Variants in SI observed in about 807,000 individuals in gnomAD.
SI encodes the protein sucrase-isomaltase, intestinal.
Under a neutral mutation model 253.3 loss-of-function variants are expected in SI, and 235 were observed. The ratio of observed to expected loss-of-function variants is 0.93; its 90% CI spans 0.83 to 1.03. The LOEUF (loss-of-function observed/expected upper bound fraction) is 1.03. Among genes scored for constraint, SI ranks in the 50% least tolerant of loss-of-function variants. The pLI, the probability that SI is intolerant of heterozygous loss-of-function variation, is 0.00. For missense variants in SI, 2,442 were observed against 2,211.1 expected (o/e 1.10, Z -2.09); for synonymous variants, 819 against 712.0 (o/e 1.15, Z -2.39).
At chr3:165,018,979 G>A (rs1719175485) in intron 28 of SI, among the ~76,000 whole-genome samples, 1 of 151,510 alleles carries the variant, frequency 6.6e-6, no homozygotes, top group Non-Finnish European at 1.5e-5. Context: ...CATCACATGT[G>A]AAAAATACAA....
chr3:165,088,673 T>G, the SI span, among the ~76,000 whole-genome samples: 1 of 151,494 alleles, frequency 6.6e-6, no homozygotes, highest in African/African-American at 2.4e-5. Flanking sequence ...TAAATACACT[T>G]AAAAAATAAA....
rs747801687 is a variant in SI at position 165,018,013 on chromosome 3, C to T, written c.3477G>A (p.Glu1159=). 6.2e-6 allele frequency: 10 copies of T among 1,612,020 alleles called. No individual in the cohort carries two copies. Among genetic ancestry groups the T allele is most frequent in the South Asian group, 1.1e-5 (1 of 91,052 alleles). The change falls in exon 29 of 48, where the codon GAG becomes GAA. Residue 1159 remains glutamate (E), a synonymous_variant. Coordinates refer to ENST00000264382, the MANE Select transcript of SI (RefSeq NM_001041.4). ...GTAAGAAAACACCATGAGCATTGCC[C>T]TCCTCTTCCAGAGCCATGTAATAGG... ...FHPYYMALEE[E]GNAHGVFLLN... is the part of the protein sequence containing the mutation.
chr3:165,038,480 C>G (rs189196981), intron 20 of SI, among the ~76,000 whole-genome samples: 1 of 150,660 alleles, frequency 6.6e-6, no homozygotes, highest in African/African-American at 2.4e-5. Context: ...GAGGCCATGG[C>G]GGGCGGATCA....
chr3:165,021,173 T>A, intron 27 of SI, 56 bp downstream of exon 27: 1 of 1,505,722 alleles, frequency 6.6e-7, no homozygotes, highest in Non-Finnish European at 9.2e-7. Context: ...ATTTTACTTT[T>A]CCCTTCGTAA....
the SI span, among the ~76,000 whole-genome samples, chr3:165,088,660 T>TAAATA: frequency 1.3e-5 from 2 of 151,552 alleles, no homozygotes; most frequent in African/African-American, 4.8e-5. Flanking sequence ...AATAAATAAA[T>TAAATA]AATAAATACA....
chr3:165,028,925 G>A (rs924185166), intron 25 of SI, among the ~76,000 whole-genome samples: 2 of 151,404 alleles, frequency 1.3e-5, no homozygotes, highest in African/African-American at 2.4e-5. Flanking sequence ...ACAAACATCT[G>A]GGACTTAATT....
At chr3:165,036,873 A>C (rs891682676) in intron 21 of SI, among the ~76,000 whole-genome samples, 2 of 151,910 alleles carry the variant, frequency 1.3e-5, no homozygotes, top group African/African-American at 2.4e-5. Context: ...AGAAAAAAAA[A>C]TATGATTAAA....
chr3:165,054,454 C>A (rs1713585485), intron 13 of SI, among the ~76,000 whole-genome samples: 1 of 151,994 alleles, frequency 6.6e-6, no homozygotes, highest in Non-Finnish European at 1.5e-5. Flanking sequence ...TCACAGGCAA[C>A]CTCCACCTCC....
intron 25 of SI, among the ~76,000 whole-genome samples, chr3:165,024,095 G>T (rs529580179): frequency 1.9e-4 from 29 of 151,458 alleles, no homozygotes; most frequent in Middle Eastern, 6.8e-3. Flanking sequence ...AATAAATTTT[G>T]ATTCCATGTT....
chr3:165,016,212 T>G (rs1719019557), intron 31 of SI, 132 bp from the exon 32 acceptor site: 1 of 784,594 alleles, frequency 1.3e-6, no homozygotes, highest in Non-Finnish European at 2.2e-6. Flanking sequence ...TAAAAAGAAT[T>G]AAATGGTTTA....
intron 39 of SI, 40 bp downstream of exon 39, chr3:164,996,698 G>T (rs764325020): frequency 5.7e-5 from 72 of 1,273,884 alleles, no homozygotes; most frequent in Non-Finnish European, 7.6e-5. Context: ...GTTTATGAAT[G>T]TTTATAATTT....
chr3:165,036,989 T>C (rs1259896172), intron 21 of SI, among the ~76,000 whole-genome samples: 1 of 151,682 alleles, frequency 6.6e-6, no homozygotes, highest in East Asian at 1.9e-4. Context: ...TTTAGTTACA[T>C]TTTACCAGGC....
intron 38 of SI, 135 bp from the exon 39 acceptor site, chr3:164,996,907 A>G (rs1397641722): frequency 6.0e-6 from 3 of 498,542 alleles, no homozygotes; most frequent in East Asian, 8.6e-5. Flanking sequence ...GATTATTAAT[A>G]TAATTATCTC....
At chr3:165,078,241 TA>T (rs939973687) in intron 1 of SI, among the ~76,000 whole-genome samples, 191 bp downstream of exon 1, 13 of 150,828 alleles carry the variant, frequency 8.6e-5, no homozygotes, top group East Asian at 1.9e-4. Flanking sequence ...ATCCTGTATT[TA>T]AAAAAAAATT....
chr3:165,059,648 A>G (rs900117692), intron 10 of SI, among the ~76,000 whole-genome samples: 2 of 151,988 alleles, frequency 1.3e-5, no homozygotes, highest in African/African-American at 4.8e-5. Context: ...AAAACTAAAT[A>G]TGATTTTGTT....
chr3:165,084,126 C>T, the SI span, among the ~76,000 whole-genome samples: 1 of 151,956 alleles, frequency 6.6e-6, no homozygotes, highest in Non-Finnish European at 1.5e-5. Flanking sequence ...GAAAATAGTG[C>T]TTTTCTATAA....
At chr3:164,980,434 A>G (rs1717125833) in intron 47 of SI, among the ~76,000 whole-genome samples, 1 of 151,990 alleles carries the variant, frequency 6.6e-6, no homozygotes, top group African/African-American at 2.4e-5. Context: ...TTTTGAAATT[A>G]TATTGCTAGA....
chr3:165,018,122 A>C, intron 28 of SI, 56 bp from the exon 29 acceptor site: 1 of 1,006,312 alleles, frequency 9.9e-7, no homozygotes, highest in Non-Finnish European at 1.6e-6. Flanking sequence ...ATGTGAATTT[A>C]ATCAATGTTA....
intron 33 of SI, among the ~76,000 whole-genome samples, chr3:165,014,142 G>A (rs138973353): frequency 6.6e-6 from 1 of 152,326 alleles, no homozygotes. Flanking sequence ...TATTGAACAT[G>A]TTTGCATTTT....
Sources: allele counts gnomAD v4.1 joint callset (sites outside exome capture counted in the v4.1 genomes callset), GRCh38; gene constraint gnomAD v4.1.1; transcripts MANE v1.5; gene names NCBI Gene and HGNC (gene_info 2026-07-23, HGNC 2026-07-21).